The following TRAF2 variants were observed in gnomAD, a reference collection of about 807,000 sequenced individuals.
TRAF2 encodes TNF receptor-associated factor 2.
TRAF2 carries 6 observed loss-of-function variants against 55.6 expected under a neutral mutation model. That is an observed-to-expected ratio of 0.11 (90% CI 0.06 to 0.21). The LOEUF is 0.21. TRAF2 is among the 10% of genes least tolerant of loss of function. TRAF2 has a pLI of 1.00. For missense variants in TRAF2, 561 were observed against 684.5 expected, an observed-to-expected ratio of 0.82 and a Z score of 2.01; for synonymous variants, 329 against 276.3, an observed-to-expected ratio of 1.19 and a Z score of -1.89.
At chr9:136,883,750 CAGGTGAT>C (rs1849400672), upstream of TRAF2, among the ~76,000 whole-genome samples, 1 of 151,616 alleles carries the variant, frequency 6.6e-6, no homozygotes, top group Non-Finnish European at 1.5e-5. Flanking sequence ...CCCCTGACCT[CAGGTGAT>C]CCACCCACCT....
At chr9:136,908,508 G>T (rs1253359262) in intron 5 of TRAF2, among the ~76,000 whole-genome samples, 1 of 152,044 alleles carries the variant, frequency 6.6e-6, no homozygotes, top group African/African-American at 2.4e-5. Context: ...GGATCACGAG[G>T]TCCGGAGTTG....
At chr9:136,913,358 C>T (rs959352241) in intron 6 of TRAF2, among the ~76,000 whole-genome samples, 6 of 123,112 alleles carry the variant, frequency 4.9e-5, no homozygotes, top group South Asian at 2.7e-4. Flanking sequence ...AGTGCAGTGG[C>T]GCAATCTCGG....
chr9:136,891,940 G>T (rs574433540), intron 1 of TRAF2, among the ~76,000 whole-genome samples: 149 of 149,950 alleles, frequency 9.9e-4, no homozygotes, highest in Non-Finnish European at 1.2e-4. Flanking sequence ...AGCTGGTCTC[G>T]ATCACCACCT....
intron 1 of TRAF2, among the ~76,000 whole-genome samples, chr9:136,888,117 C>T (rs111695006): frequency 3.9e-5 from 6 of 152,050 alleles, no homozygotes; most frequent in East Asian, 3.9e-4. Context: ...GTGATCCACC[C>T]GCCTCGGCCT....
intron 6 of TRAF2, among the ~76,000 whole-genome samples, chr9:136,912,034 T>A (rs1343846163): frequency 6.6e-6 from 1 of 151,372 alleles, no homozygotes; most frequent in Non-Finnish European, 1.5e-5. Context: ...TTTGTATTTT[T>A]AGTACAGATG....
intron 2 of TRAF2, among the ~76,000 whole-genome samples, chr9:136,899,319 G>C (rs529247359): frequency 6.6e-6 from 1 of 152,214 alleles, no homozygotes; most frequent in Non-Finnish European, 1.5e-5. Context: ...GCAGCAGCTC[G>C]GCCTGTCGGG....
intron 1 of TRAF2, among the ~76,000 whole-genome samples, chr9:136,893,652 T>C (rs1004696556): frequency 6.6e-6 from 1 of 152,222 alleles, no homozygotes; most frequent in African/African-American, 2.4e-5. Flanking sequence ...CTTTGGGGAA[T>C]GTTTGCAGAG....
intron 6 of TRAF2, among the ~76,000 whole-genome samples, chr9:136,912,152 CTTTTTTTTTTTTTT>C (rs1180324647): frequency 1.9e-4 from 11 of 58,302 alleles, no homozygotes; most frequent in African/African-American, 5.3e-4. Context: ...GCGTCTGGCC[CTTTTTTTTTTTTTT>C]TTTTTTTTTT....
Position 136,898,755 on chromosome 9 carries a change from C to T in TRAF2, c.15C>T (p.Ser5=), listed in dbSNP as rs199836341. Residue 5 remains serine (S), a synonymous_variant, in exon 2 of 11, where the codon AGC becomes AGT. Coordinates refer to ENST00000247668, the MANE Select transcript of TRAF2 (RefSeq NM_021138.4). MAAA[S]VTPPGSLELL... is the part of the protein sequence containing the mutation. ...TCACAGCTCTCATGGCTGCAGCTAG[C>T]GTGACCCCCCCTGGCTCCCTGGAGT... 9 of 1,613,486 alleles carry T rather than the reference C, an allele frequency of 5.6e-6. No individual in the cohort carries two copies. Among genetic ancestry groups the T allele is most frequent in the African/African-American group, 4.0e-5 (3 of 75,058 alleles).
chr9:136,908,475 C>T (rs1040045707), intron 5 of TRAF2, among the ~76,000 whole-genome samples: 2 of 152,236 alleles, frequency 1.3e-5, no homozygotes, highest in African/African-American at 2.4e-5. Context: ...GTAATCCCAG[C>T]GCTTTGGGAG....
chr9:136,913,294 A>G (rs934440648), intron 6 of TRAF2, among the ~76,000 whole-genome samples: 103 of 65,018 alleles, frequency 1.6e-3, no homozygotes, highest in Non-Finnish European at 1.4e-3. Context: ...ATTATAAAGG[A>G]ATTTTTTTTT....
At chr9:136,908,284 T>TG in intron 5 of TRAF2, 53 bp downstream of exon 5, 1 of 1,494,998 alleles carries the variant, frequency 6.7e-7, no homozygotes, top group African/African-American at 1.4e-5. Flanking sequence ...GGGGCTGAGC[T>TG]GGGGAGCTGC....
chr9:136,882,551 C>A (rs1189648352), upstream of TRAF2: 5 of 485,316 alleles, frequency 1.0e-5, no homozygotes, highest in Non-Finnish European at 1.3e-5. Context: ...TCCTGCAACC[C>A]CCATCCTCAG....
chr9:136,898,769 G>A lies in TRAF2; in HGVS notation c.29G>A (p.Gly10Asp). 1 of 1,613,656 alleles carries A rather than the reference G, an allele frequency of 6.2e-7. No homozygotes were observed. Among genetic ancestry groups the A allele is most frequent in the Non-Finnish European group, 8.5e-7 (1 of 1,180,040 alleles). MAAASVTPP[G>D]SLELLQPGFS... ...GCTGCAGCTAGCGTGACCCCCCCTG[G>A]CTCCCTGGAGTTGCTACAGCCCGGC... Residue 10 changes from glycine to aspartate, a missense_variant, in exon 2 of 11, where the codon GGC becomes GAC. Coordinates refer to ENST00000247668, the MANE Select transcript of TRAF2 (RefSeq NM_021138.4).
At chr9:136,922,254 TG>T (rs1850404355) in intron 9 of TRAF2, 1 of 152,272 alleles carries the variant, frequency 6.6e-6, no homozygotes, top group Non-Finnish European at 1.5e-5. Flanking sequence ...GAGTTGAGAC[TG>T]GAAAAATGAA....
chr9:136,905,831 G>A (rs983763205), intron 4 of TRAF2, among the ~76,000 whole-genome samples: 1 of 152,136 alleles, frequency 6.6e-6, no homozygotes. Context: ...ACCGCCGGGC[G>A]CGGTGGCTCA....
chr9:136,903,408 C>T (rs1047370437), intron 4 of TRAF2, among the ~76,000 whole-genome samples: 2 of 152,198 alleles, frequency 1.3e-5, no homozygotes, highest in Admixed American at 1.3e-4. Flanking sequence ...AGGCTGGCTG[C>T]ACGAGCAGCG....
At chr9:136,887,315 A>G (rs1849476198) in intron 1 of TRAF2, among the ~76,000 whole-genome samples, 1 of 152,208 alleles carries the variant, frequency 6.6e-6, no homozygotes, top group South Asian at 2.1e-4. Context: ...GAGCAGCTGA[A>G]GGCTGGTGCT....
chr9:136,924,132 G>A (rs1042599234), intron 10 of TRAF2, 132 bp downstream of exon 10: 9 of 1,122,508 alleles, frequency 8.0e-6, no homozygotes, highest in African/African-American at 7.7e-5. Context: ...CAGCAGGCAC[G>A]TCACCCTGTG....
Sources: allele counts gnomAD v4.1 joint callset (sites outside exome capture counted in the v4.1 genomes callset), GRCh38; gene constraint gnomAD v4.1.1; transcripts MANE v1.5; gene names NCBI Gene and HGNC (gene_info 2026-07-23, HGNC 2026-07-21).